The following ZSCAN5A variants were observed in gnomAD, a reference collection of about 807,000 sequenced individuals.
ZSCAN5A encodes the protein zinc finger and SCAN domain-containing protein 5A.
A neutral mutation model predicts 23.7 loss-of-function variants in ZSCAN5A; 12 were observed. The ratio of observed to expected loss-of-function variants is 0.51; its 90% confidence interval spans 0.32 to 0.82. The LOEUF is 0.82. ZSCAN5A is among the 40% of genes least tolerant of loss of function. The probability of loss-of-function intolerance (pLI) is 0.03; values close to 1 mark genes in which losing one functional copy is unlikely to be tolerated. For missense variants in ZSCAN5A, 597 were observed against 617.9 expected (o/e 0.97, Z 0.36); for synonymous variants, 257 against 239.9 (o/e 1.07, Z -0.66).
At chr19:56,325,172 T>C (rs2041421273) in intron 2 of ZSCAN5A, among the ~76,000 whole-genome samples, 1 of 152,268 alleles carries the variant, frequency 6.6e-6, no homozygotes, top group Non-Finnish European at 1.5e-5. Flanking sequence ...TGCAATTTGC[T>C]TATTATATCC....
At chr19:56,252,241 G>C (rs929657831) in intron 2 of ZSCAN5A, among the ~76,000 whole-genome samples, 2 of 152,168 alleles carry the variant, frequency 1.3e-5, no homozygotes, top group African/African-American at 4.8e-5. Context: ...GGTTTTCTGG[G>C]AGAGAAAAAG....
intron 2 of ZSCAN5A, chr19:56,363,097 T>C (rs1227262247): frequency 2.0e-5 from 3 of 152,262 alleles, no homozygotes; most frequent in Admixed American, 1.3e-4. Flanking sequence ...TTAATGCTCC[T>C]TGCTGTTTAT....
intron 2 of ZSCAN5A, among the ~76,000 whole-genome samples, chr19:56,337,012 T>TTAGG (rs1230201206): frequency 6.6e-6 from 1 of 152,202 alleles, no homozygotes; most frequent in African/African-American, 2.4e-5. Flanking sequence ...TGCCTCCCAG[T>TTAGG]TAGGCTACTC....
At chr19:56,244,754 CTG>C (rs1848281447) in intron 2 of ZSCAN5A, among the ~76,000 whole-genome samples, 1 of 150,800 alleles carries the variant, frequency 6.6e-6, no homozygotes, top group Non-Finnish European at 1.5e-5. Flanking sequence ...GACCCACACA[CTG>C]TGTGAGGCCA....
chr19:56,310,657 T>C (rs532210036), intron 2 of ZSCAN5A, among the ~76,000 whole-genome samples: 113 of 152,366 alleles, frequency 7.4e-4, no homozygotes, highest in African/African-American at 2.6e-3. Context: ...AAAGTCCGTA[T>C]TCTTTTGTGT....
At chr19:56,236,298 A>G (rs1334805231) in intron 2 of ZSCAN5A, among the ~76,000 whole-genome samples, 1 of 50,954 alleles carries the variant, frequency 2.0e-5, no homozygotes. Flanking sequence ...CCGTGGGCCA[A>G]GCCTCCACTC....
Position 56,222,242 on chromosome 19 carries a change from C to T in ZSCAN5A, c.824G>A (p.Cys275Tyr), listed in dbSNP as rs767992521. 6.2e-7 allele frequency: 1 copy of T among 1,613,932 alleles called. No homozygotes were observed. Among genetic ancestry groups the T allele is most frequent in the South Asian group, 1.1e-5 (1 of 91,074 alleles). ...ENVDADTPSA[C>Y]VVEREASTHS... is the part of the protein sequence containing the mutation. ...AGTCGAAGCTTCTCTCTCCACAACGCAGGCAGAAGGTGTGTCAGCATCCAC... is the reference window on the plus strand; with the variant it reads ...AGTCGAAGCTTCTCTCTCCACAACGTAGGCAGAAGGTGTGTCAGCATCCAC... The change falls in exon 6 of 6, where the codon TGC becomes TAC. Residue 275 changes from cysteine to tyrosine, a missense_variant. This residue lies in a region of ZSCAN5A where 406 missense variants were observed against 353.2 expected (regional missense o/e 1.15). Transcript: ENST00000683990.
chr19:56,284,870 A>G (rs2038987913), intron 2 of ZSCAN5A: 1 of 252,802 alleles, frequency 4.0e-6, no homozygotes, highest in Admixed American at 6.5e-5. Flanking sequence ...AGGCATCATG[A>G]CTGAGGCATT....
intron 2 of ZSCAN5A, among the ~76,000 whole-genome samples, chr19:56,288,283 A>T (rs1472138424): frequency 6.6e-6 from 1 of 152,132 alleles, no homozygotes; most frequent in Non-Finnish European, 1.5e-5. Context: ...TGCAGGCTCC[A>T]TCCAGCCCAG....
chr19:56,300,923 G>C (rs1476616857), intron 2 of ZSCAN5A, among the ~76,000 whole-genome samples: 1 of 152,164 alleles, frequency 6.6e-6, no homozygotes, highest in African/African-American at 2.4e-5. Context: ...AAAGCGACAC[G>C]GTCGGATCTG....
intron 2 of ZSCAN5A, among the ~76,000 whole-genome samples, chr19:56,280,142 T>G (rs1422726814): frequency 3.3e-5 from 5 of 152,210 alleles, no homozygotes; most frequent in Non-Finnish European, 7.3e-5. Context: ...TATTTATATA[T>G]TCAAAGTCCT....
At chr19:56,228,296 C>T in intron 2 of ZSCAN5A, 1 of 985,398 alleles carries the variant, frequency 1.0e-6, no homozygotes. Flanking sequence ...CTGGGATGCG[C>T]TCTCCAACCG....
At chr19:56,346,239 A>G (rs1408830783) in intron 2 of ZSCAN5A, among the ~76,000 whole-genome samples, 1 of 152,144 alleles carries the variant, frequency 6.6e-6, no homozygotes, top group Non-Finnish European at 1.5e-5. Flanking sequence ...ACAACAAAAA[A>G]CATTTAAGCA....
At chr19:56,304,200 G>A (rs78004035) in intron 2 of ZSCAN5A, among the ~76,000 whole-genome samples, 3,783 of 152,312 alleles carry the variant, frequency 0.025, 158 homozygotes, top group African/African-American at 0.086. Flanking sequence ...CAGGGGACCT[G>A]GCGGTGCTCA....
intron 2 of ZSCAN5A, among the ~76,000 whole-genome samples, chr19:56,240,057 G>A (rs2035303518): frequency 6.6e-6 from 1 of 152,124 alleles, no homozygotes; most frequent in East Asian, 1.9e-4. Flanking sequence ...AGCTACTCAT[G>A]AGGCTGAGGC....
intron 2 of ZSCAN5A, among the ~76,000 whole-genome samples, chr19:56,240,077 G>A (rs974550079): frequency 1.3e-5 from 2 of 151,854 alleles, no homozygotes; most frequent in Non-Finnish European, 2.9e-5. Flanking sequence ...CAGGAGAATC[G>A]CTTGAACCCA....
intron 2 of ZSCAN5A, among the ~76,000 whole-genome samples, chr19:56,279,289 TC>T (rs137984212): frequency 4.1e-4 from 62 of 152,280 alleles, no homozygotes; most frequent in African/African-American, 1.4e-3. Context: ...CTCTTTTTTT[TC>T]CACCCCTACT....
At position 56,329,027 on chromosome 19, in the gene ZSCAN5A, A is replaced by G. The variant is rs149491009; in HGVS notation, c.-357-12759T>C. On this transcript the variant is annotated intron_variant, in intron 2 of 6. Coordinates refer to the ZSCAN5A transcript ENST00000587340. The stretch of plus-strand genomic sequence containing the variant: ...AAAAAAAATAAATAAATAAATAAAT[A>G]AAAGAAATGTAACAGAAATTTTAAA... Among the ~76,000 whole-genome samples, 1,366 of 150,470 alleles carry G rather than the reference A, an allele frequency of 9.1e-3. 23 individuals are homozygous for G. Among genetic ancestry groups the G allele is most frequent in the African/African-American group, 0.031 (1,284 of 40,834 alleles).
chr19:56,264,861 C>T (rs2037360501), intron 2 of ZSCAN5A, among the ~76,000 whole-genome samples: 1 of 152,226 alleles, frequency 6.6e-6, no homozygotes, highest in Admixed American at 6.5e-5. Context: ...GTGGCTCATG[C>T]CTGTAATCCC....
Sources: allele counts gnomAD v4.1 joint callset (sites outside exome capture counted in the v4.1 genomes callset), GRCh38; gene constraint gnomAD v4.1.1; regional missense constraint gnomAD v4.1.1; transcripts MANE v1.5; gene names NCBI Gene and HGNC (gene_info 2026-07-23, HGNC 2026-07-21).